The following GRM7 variants were observed in gnomAD, a reference collection of about 807,000 sequenced individuals.
GRM7 encodes the protein metabotropic glutamate receptor 7.
A neutral mutation model predicts 84.5 loss-of-function variants in GRM7; 35 were observed. The ratio of observed to expected loss-of-function variants is 0.41; its 90% CI spans 0.32 to 0.55. GRM7 has a LOEUF of 0.55. Ranked by LOEUF, GRM7 falls within the 20% of genes least tolerant of loss-of-function variation. The pLI is 0.19. For missense variants in GRM7, 1,003 were observed against 1,194.6 expected, an observed-to-expected ratio of 0.84 and a Z score of 2.36; for synonymous variants, 487 against 455.1, an observed-to-expected ratio of 1.07 and a Z score of -0.89.
chr3:7,550,577 C>CTGTG (rs369817211), intron 7 of GRM7, among the ~76,000 whole-genome samples: 810 of 52,980 alleles, frequency 0.015, 10 homozygotes, highest in Non-Finnish European at 0.019. Flanking sequence ...CTCTCTCTCT[C>CTGTG]TGTGTGTGTG....
intron 1 of GRM7, among the ~76,000 whole-genome samples, chr3:6,992,871 C>A (rs145508673): frequency 6.6e-5 from 10 of 152,282 alleles, no homozygotes; most frequent in Admixed American, 6.5e-4. Context: ...AGGTAGATAG[C>A]CCAGTCAATG....
chr3:7,384,930 A>C (rs945516830), intron 4 of GRM7, among the ~76,000 whole-genome samples: 2 of 152,244 alleles, frequency 1.3e-5, no homozygotes, highest in Admixed American at 6.5e-5. Context: ...ATATCTTACA[A>C]ATACATTTTA....
chr3:6,957,413 T>A (rs1223566348), intron 1 of GRM7, among the ~76,000 whole-genome samples: 1 of 152,212 alleles, frequency 6.6e-6, no homozygotes, highest in Admixed American at 6.5e-5. Context: ...CCCTGAGGGC[T>A]GCATTTGACA....
Position 7,452,631 on chromosome 3 carries a change from C to A in GRM7, c.1199C>A (p.Ser400Tyr). ...GGACAGGAGAGAATTGGAAAAGATT[C>A]CAACTATGAGCAGGAGGGTAAAGTC... ...CTGQERIGKD[S>Y]NYEQEGKVQF... The change falls in exon 6 of 10, where the codon TCC becomes TAC. Residue 400 changes from serine (S) to tyrosine (Y), a missense_variant. Ser to Tyr is a moderately radical substitution (Grantham distance 144). Transcript: ENST00000357716. 1 of 1,610,986 alleles carries A rather than the reference C, an allele frequency of 6.2e-7. No homozygotes were observed. The highest frequency in any genetic ancestry group is 8.5e-7 in the Non-Finnish European group (1 of 1,177,542).
intron 1 of GRM7, among the ~76,000 whole-genome samples, chr3:6,872,877 G>T (rs1695173034): frequency 6.6e-6 from 1 of 152,108 alleles, no homozygotes; most frequent in South Asian, 2.1e-4. Flanking sequence ...TGGGCATTTG[G>T]GTTGTTCCAA....
chr3:7,335,978 A>G (rs1000528798), intron 4 of GRM7, among the ~76,000 whole-genome samples: 7 of 152,102 alleles, frequency 4.6e-5, no homozygotes, highest in African/African-American at 1.7e-4. Flanking sequence ...ACATTCAAAG[A>G]TGAATTGGTA....
At chr3:7,620,289 T>C (rs180854217) in intron 8 of GRM7, among the ~76,000 whole-genome samples, 1 of 152,278 alleles carries the variant, frequency 6.6e-6, no homozygotes, top group East Asian at 1.9e-4. Context: ...TCATCCATTG[T>C]TTATCTGGAA....
At chr3:7,516,696 G>A (rs189557983) in intron 7 of GRM7, among the ~76,000 whole-genome samples, 3 of 152,022 alleles carry the variant, frequency 2.0e-5, no homozygotes, top group Non-Finnish European at 4.4e-5. Flanking sequence ...ATCAGAGCCT[G>A]CTGTTCCTTT....
intron 2 of GRM7, among the ~76,000 whole-genome samples, chr3:7,198,976 C>T (rs1695975089): frequency 6.6e-6 from 1 of 152,138 alleles, no homozygotes; most frequent in Non-Finnish European, 1.5e-5. Flanking sequence ...GATTCATAAA[C>T]AAGGTATGGC....
intron 7 of GRM7, among the ~76,000 whole-genome samples, chr3:7,572,337 C>G (rs1438727096): frequency 6.6e-6 from 1 of 152,082 alleles, no homozygotes; most frequent in Non-Finnish European, 1.5e-5. Flanking sequence ...GGTACAGGCT[C>G]TGGAATTTTT....
chr3:7,459,566 G>A (rs779086248), intron 6 of GRM7, among the ~76,000 whole-genome samples: 12 of 152,118 alleles, frequency 7.9e-5, no homozygotes, highest in Middle Eastern at 3.4e-3. Context: ...ACATGGTGGC[G>A]GGCAAAAGAG....
Position 7,128,563 on chromosome 3 carries a change from A to G in GRM7, c.520-17889A>G, listed in dbSNP as rs1693482300. ...TGCTGTGTCACCTAGGCTGGAGTGC[A>G]GTGGCGCGATCTGTGTTCACTGCAA... On this transcript the variant is annotated intron_variant, in intron 1 of 9. Transcript: ENST00000357716. 1.2e-4 allele frequency among the ~76,000 whole-genome samples: 12 copies of G among 102,810 alleles called. 2 individuals are homozygous for G. In the South Asian group the frequency reaches 3.4e-3, roughly 29 times the overall value. 67.4% of individuals were successfully genotyped at this position (102,810 alleles called of 152,430 possible). A position where few individuals can be genotyped will look rare whatever the true frequency, so the allele number is the denominator to read the frequency against.
intron 1 of GRM7, among the ~76,000 whole-genome samples, chr3:6,876,178 G>T (rs7613112): frequency 0.099 from 15,058 of 151,782 alleles, 1,051 homozygotes; most frequent in East Asian, 0.32. Flanking sequence ...TGAGGCACAA[G>T]AATCGCTTGA....
chr3:7,178,628 C>G (rs1398214573), intron 2 of GRM7, among the ~76,000 whole-genome samples: 1 of 152,110 alleles, frequency 6.6e-6, no homozygotes, highest in Non-Finnish European at 1.5e-5. Context: ...CAAAATTAAT[C>G]TTGAAAACTG....
chr3:6,893,591 GGAGAAA>G (rs1464141296), intron 1 of GRM7, among the ~76,000 whole-genome samples: 6 of 151,998 alleles, frequency 3.9e-5, no homozygotes, highest in Non-Finnish European at 5.9e-5. Context: ...TCAATAAGAT[GGAGAAA>G]GAGAAAAAGA....
chr3:7,030,726 G>A (rs969127841), intron 1 of GRM7, among the ~76,000 whole-genome samples: 2 of 152,130 alleles, frequency 1.3e-5, no homozygotes, highest in Non-Finnish European at 2.9e-5. Flanking sequence ...GAATGATAAT[G>A]ATTTGGAATT....
rs1260183830 is a variant in GRM7, at chr3:7,118,421, T to C, written c.520-28031T>C. ...TGTAAGTATAAATGGAAAAAATGAATAAAAAATAAGAAACTTCACCATTAT... is the reference window on the plus strand; with the variant it reads ...TGTAAGTATAAATGGAAAAAATGAACAAAAAATAAGAAACTTCACCATTAT... On this transcript the variant is annotated intron_variant, in intron 1 of 9. Coordinates refer to ENST00000357716, the MANE Select transcript of GRM7 (RefSeq NM_000844.4). 2.7e-5 allele frequency among the ~76,000 whole-genome samples: 4 copies of C among 149,880 alleles called. No individual in the cohort carries two copies. The East Asian group carries it at 5.9e-4, about 22-fold the overall frequency.
At chr3:7,195,352 A>T (rs1489161427) in intron 2 of GRM7, among the ~76,000 whole-genome samples, 3 of 152,130 alleles carry the variant, frequency 2.0e-5, no homozygotes, top group African/African-American at 7.2e-5. Context: ...ATGAAAACAA[A>T]TTGCAATAGA....
intron 8 of GRM7, among the ~76,000 whole-genome samples, chr3:7,674,807 A>G (rs1408084253): frequency 6.6e-6 from 1 of 152,194 alleles, no homozygotes; most frequent in Non-Finnish European, 1.5e-5. Flanking sequence ...CTTGTATCTC[A>G]ATAAAAATGG....
Sources: allele counts gnomAD v4.1 joint callset (sites outside exome capture counted in the v4.1 genomes callset), GRCh38; gene constraint gnomAD v4.1.1; transcripts MANE v1.5; gene names NCBI Gene and HGNC (gene_info 2026-07-23, HGNC 2026-07-21).